DPYD: variants seen among roughly 807,000 people sequenced by gnomAD.
The protein encoded by DPYD is dihydropyrimidine dehydrogenase.
Under a neutral mutation model 116.2 loss-of-function variants are expected in DPYD, and 109 were observed. The ratio of observed to expected loss-of-function variants is 0.94; its 90% CI spans 0.80 to 1.10. The LOEUF is 1.10. Among genes scored for constraint, DPYD ranks in the 50% least tolerant of loss-of-function variants. The probability of loss-of-function intolerance (pLI) is 0.00; values close to 1 mark genes in which losing one functional copy is unlikely to be tolerated. For synonymous variants in DPYD, 440 were observed against 432.0 expected, an observed-to-expected ratio of 1.02 and a Z score of -0.23; for missense variants, 1,302 against 1,254.5, an observed-to-expected ratio of 1.04 and a Z score of -0.57.
At chr1:97,455,020 A>G (rs1676606433) in intron 13 of DPYD, among the ~76,000 whole-genome samples, 1 of 151,910 alleles carries the variant, frequency 6.6e-6, no homozygotes, top group Non-Finnish European at 1.5e-5. Context: ...CACACAACAC[A>G]AAGCAATATA....
chr1:97,220,639 C>T (rs1660715365), intron 19 of DPYD, among the ~76,000 whole-genome samples: 1 of 152,124 alleles, frequency 6.6e-6, no homozygotes, highest in African/African-American at 2.4e-5. Flanking sequence ...ACATTATTTT[C>T]ATTTTCCTAG....
At chr1:97,883,212 T>C (rs1672314864) in intron 2 of DPYD, 52 bp downstream of exon 2, 7 of 1,211,328 alleles carry the variant, frequency 5.8e-6, no homozygotes, top group Non-Finnish European at 8.6e-6. Flanking sequence ...TGCCTTACAA[T>C]GTGTGGAGTG....
intron 3 of DPYD, among the ~76,000 whole-genome samples, chr1:97,765,138 C>A (rs1385506728): frequency 6.6e-6 from 1 of 152,122 alleles, no homozygotes; most frequent in Non-Finnish European, 1.5e-5. Flanking sequence ...TGACCTTTTT[C>A]AGTCACAGAT....
intron 8 of DPYD, among the ~76,000 whole-genome samples, chr1:97,623,662 G>C (rs912752145): frequency 4.6e-5 from 7 of 151,810 alleles, no homozygotes; most frequent in Non-Finnish European, 1.0e-4. Context: ...GAAAAACCCT[G>C]AATAGCCAAT....
At chr1:97,245,358 A>G (rs374545352) in intron 18 of DPYD, among the ~76,000 whole-genome samples, 3 of 152,162 alleles carry the variant, frequency 2.0e-5, no homozygotes, top group East Asian at 3.8e-4. Flanking sequence ...ACATGCCTCA[A>G]TCTCTCCAAA....
intron 5 of DPYD, among the ~76,000 whole-genome samples, chr1:97,711,637 T>A (rs908121569): frequency 2.0e-5 from 3 of 152,020 alleles, no homozygotes; most frequent in African/African-American, 7.2e-5. Context: ...CTCAGAAAAG[T>A]ATAGATTTCT....
chr1:97,162,147 AC>A (rs1655958067), intron 20 of DPYD, among the ~76,000 whole-genome samples: 1 of 152,116 alleles, frequency 6.6e-6, no homozygotes, highest in Non-Finnish European at 1.5e-5. Context: ...GAATCGCCAC[AC>A]TGACTTCCAC....
chr1:97,134,989 A>T (rs74229072), intron 20 of DPYD, among the ~76,000 whole-genome samples: 16 of 109,586 alleles, frequency 1.5e-4, no homozygotes, highest in South Asian at 6.0e-4. Flanking sequence ...ATATATATAT[A>T]TTTTTTTTAT....
chr1:97,154,998 C>A (rs961431193), intron 20 of DPYD, among the ~76,000 whole-genome samples: 1 of 152,206 alleles, frequency 6.6e-6, no homozygotes, highest in African/African-American at 2.4e-5. Flanking sequence ...ATGTGTTTTA[C>A]TTGTGTCATT....
chr1:97,201,259 C>T (rs144513057), intron 19 of DPYD, among the ~76,000 whole-genome samples: 81 of 152,182 alleles, frequency 5.3e-4, no homozygotes, highest in African/African-American at 1.9e-3. Context: ...CTTACTTTAA[C>T]TGGAAACTAA....
intron 13 of DPYD, among the ~76,000 whole-genome samples, chr1:97,453,446 TC>T (rs1676524524): frequency 6.6e-6 from 1 of 152,100 alleles, no homozygotes; most frequent in Admixed American, 6.6e-5. Flanking sequence ...TTTTAAAATA[TC>T]ATAGAATATA....
At chr1:97,211,443 C>T (rs1334719950) in intron 19 of DPYD, among the ~76,000 whole-genome samples, 2 of 152,102 alleles carry the variant, frequency 1.3e-5, no homozygotes, top group Non-Finnish European at 2.9e-5. Flanking sequence ...GCCTGGTACC[C>T]ATCAGACACT....
intron 19 of DPYD, among the ~76,000 whole-genome samples, chr1:97,227,154 G>A (rs970465003): frequency 2.0e-5 from 3 of 151,414 alleles, no homozygotes; most frequent in East Asian, 1.9e-4. Flanking sequence ...TTGAAACCCC[G>A]TCTTTACAAA....
At chr1:97,387,903 G>A (rs1672444310) in intron 14 of DPYD, among the ~76,000 whole-genome samples, 1 of 152,098 alleles carries the variant, frequency 6.6e-6, no homozygotes, top group Non-Finnish European at 1.5e-5. Context: ...TTTATTGTTG[G>A]TGTAATGGGA....
chr1:97,278,109 T>A (rs1363184486), intron 18 of DPYD, among the ~76,000 whole-genome samples: 1 of 152,234 alleles, frequency 6.6e-6, no homozygotes, highest in Non-Finnish European at 1.5e-5. Context: ...CATGACTCAG[T>A]CTGTTCCAGG....
chr1:97,289,389 G>C (rs1665970887), intron 18 of DPYD, among the ~76,000 whole-genome samples: 1 of 152,136 alleles, frequency 6.6e-6, no homozygotes, highest in Admixed American at 6.5e-5. Context: ...AATCGAAAAA[G>C]AGAATTTTAG....
intron 2 of DPYD, among the ~76,000 whole-genome samples, chr1:97,864,261 G>A (rs964553723): frequency 3.3e-5 from 5 of 151,918 alleles, no homozygotes; most frequent in African/African-American, 1.2e-4. Context: ...AAAGGACAAA[G>A]AAAAGCAGAA....
At position 97,119,014 on chromosome 1, in the gene DPYD, G is replaced by A. The variant is rs928108749; in HGVS notation, c.2623-20382C>T. ...AGAAAATCCCTCATTTTTTTTCACA[G>A]ACTTTGGGGACAGAAGGTTCTTTCC... On this transcript the variant is annotated intron_variant, in intron 20 of 22. Transcript: ENST00000370192. Among the ~76,000 whole-genome samples the A allele has an allele frequency of 2.0e-5, 3 of 151,804 alleles. No homozygotes were observed. The South Asian group carries it at 6.2e-4, about 31-fold the overall frequency.
chr1:97,331,490 C>A (rs948835487), intron 16 of DPYD, among the ~76,000 whole-genome samples: 1 of 151,876 alleles, frequency 6.6e-6, no homozygotes, highest in Non-Finnish European at 1.5e-5. Flanking sequence ...AAACAAACAA[C>A]CCCCCTGCCA....
Sources: gnomAD v4.1 joint callset for allele counts (sites outside exome capture counted in the v4.1 genomes callset) on GRCh38, gnomAD v4.1.1 for gene constraint, MANE v1.5 for transcripts, NCBI Gene and HGNC (gene_info 2026-07-23, HGNC 2026-07-21) for gene names.